Variants in VAC14 observed in about 807,000 individuals in gnomAD.
VAC14 encodes the protein VAC14 component of PIKFYVE complex.
In VAC14, 47 loss-of-function variants were observed where a neutral mutation model predicts 85.3. The ratio of observed to expected loss-of-function variants is 0.55; its 90% confidence interval spans 0.44 to 0.70. The LOEUF (loss-of-function observed/expected upper bound fraction) is 0.70. VAC14 is among the 30% of genes least tolerant of loss of function. VAC14 has a pLI of 0.00. For synonymous variants in VAC14, 447 were observed against 430.5 expected, an observed-to-expected ratio of 1.04 and a Z score of -0.47; for missense variants, 861 against 1,004.3, an observed-to-expected ratio of 0.86 and a Z score of 1.93.
At chr16:70,772,873 A>G (rs1405374917) in intron 9 of VAC14, 2 of 152,264 alleles carry the variant, frequency 1.3e-5, no homozygotes, top group African/African-American at 4.8e-5. Flanking sequence ...TGGTATAGCC[A>G]TACAATGGAC....
intron 13 of VAC14, among the ~76,000 whole-genome samples, chr16:70,737,990 C>G (rs975104824): frequency 2.0e-5 from 3 of 152,162 alleles, no homozygotes; most frequent in Non-Finnish European, 4.4e-5. Context: ...CTGGAGGATA[C>G]AAGGGAAGGG....
At chr16:70,690,183 T>G (rs938908757) in intron 18 of VAC14, 2 of 985,094 alleles carry the variant, frequency 2.0e-6, no homozygotes, top group African/African-American at 3.5e-5. Context: ...GCCCTTAGGG[T>G]GGCAAGAAGT....
chr16:70,693,241 C>T (rs1384011355), intron 17 of VAC14, among the ~76,000 whole-genome samples: 1 of 152,220 alleles, frequency 6.6e-6, no homozygotes, highest in Admixed American at 6.5e-5. Context: ...TGCCCACCTG[C>T]CTGTCTGATC....
chr16:70,691,927 G>A lies in VAC14; in HGVS notation c.2186+894C>T, dbSNP rs1040849566. On this transcript the variant is annotated intron_variant, in intron 18 of 18. Transcript: ENST00000261776. ...GGCCCTTTGCTGGAGCAAGGCGCCA[G>A]GCCTGCTGAGTGGCTCTAACAGCCT... is the stretch of plus-strand genomic sequence containing the variant. 5 of 985,384 alleles carry A rather than the reference G, an allele frequency of 5.1e-6. No homozygotes were observed. In the Admixed American group the frequency reaches 1.8e-4, roughly 36 times the overall value. The allele number at this position is 985,384 out of a possible 1,614,324, so 61.0% of individuals were successfully genotyped here. A position where few individuals can be genotyped will look rare whatever the true frequency, so the allele number is the denominator to read the frequency against.
intron 18 of VAC14, chr16:70,690,756 G>A: frequency 2.0e-6 from 2 of 985,450 alleles, no homozygotes; most frequent in Non-Finnish European, 2.4e-6. Context: ...CCGTCCTCTG[G>A]GCCCCACCCT....
At chr16:70,743,352 A>G (rs963378102) in intron 13 of VAC14, among the ~76,000 whole-genome samples, 3 of 152,222 alleles carry the variant, frequency 2.0e-5, no homozygotes, top group Non-Finnish European at 4.4e-5. Context: ...AAAAAAGGGA[A>G]TAAAAGCTGG....
chr16:70,764,789 C>A (rs2032676658), intron 10 of VAC14, among the ~76,000 whole-genome samples: 1 of 152,198 alleles, frequency 6.6e-6, no homozygotes, highest in South Asian at 2.1e-4. Context: ...AGCCAACAGG[C>A]ACTCAGTAGC....
At chr16:70,702,689 A>G (rs1378826654) in intron 14 of VAC14, among the ~76,000 whole-genome samples, 1 of 152,252 alleles carries the variant, frequency 6.6e-6, no homozygotes, top group Non-Finnish European at 1.5e-5. Context: ...AGTGTTGGCC[A>G]GCTCACGGGG....
chr16:70,783,012 G>A (rs755734518), intron 7 of VAC14, 21 bp downstream of exon 7: 3 of 1,608,278 alleles, frequency 1.9e-6, no homozygotes, highest in Admixed American at 1.7e-5. Context: ...CCGTGGCTGT[G>A]GGCCCTCCCC....
At chr16:70,744,972 A>C (rs2143012609) in intron 12 of VAC14, 1 of 180,952 alleles carries the variant, frequency 5.5e-6, no homozygotes, top group East Asian at 1.6e-4. Flanking sequence ...CAAGGCTCCC[A>C]AAGTGCCCTC....
intron 13 of VAC14, among the ~76,000 whole-genome samples, chr16:70,734,798 A>AC (rs1046901012): frequency 5.4e-5 from 8 of 148,038 alleles, no homozygotes; most frequent in African/African-American, 1.6e-4. Context: ...AAAGAAACAA[A>AC]AAAAAAAAAC....
At chr16:70,791,766 G>A (rs1280440133) in intron 1 of VAC14, among the ~76,000 whole-genome samples, 1 of 152,218 alleles carries the variant, frequency 6.6e-6, no homozygotes, top group Non-Finnish European at 1.5e-5. Context: ...TCCGAGTTCA[G>A]AACTTTGAGT....
At chr16:70,727,550 G>T (rs1039632538) in intron 14 of VAC14, among the ~76,000 whole-genome samples, 1 of 152,146 alleles carries the variant, frequency 6.6e-6, no homozygotes, top group African/African-American at 2.4e-5. Context: ...ATGTTGGCCA[G>T]GCTGGTCTTG....
chr16:70,746,597 G>A (rs972343930), intron 12 of VAC14, among the ~76,000 whole-genome samples: 1 of 152,222 alleles, frequency 6.6e-6, no homozygotes, highest in East Asian at 1.9e-4. Flanking sequence ...GGGGAGCCCT[G>A]GGTGGGTCTC....
chr16:70,705,865 T>A (rs2053911216), intron 14 of VAC14, among the ~76,000 whole-genome samples: 1 of 152,240 alleles, frequency 6.6e-6, no homozygotes, highest in African/African-American at 2.4e-5. Flanking sequence ...TCCTTCCCAG[T>A]GGAGCCTTGT....
intron 12 of VAC14, among the ~76,000 whole-genome samples, chr16:70,761,834 C>T (rs886167676): frequency 2.0e-5 from 3 of 152,216 alleles, no homozygotes; most frequent in Non-Finnish European, 2.9e-5. Context: ...GTAACACAAC[C>T]AACGCTAACT....
In VAC14 at chr16:70,784,230, A is replaced by G. The variant is rs751792817; in HGVS notation, c.487-10T>C. 1.9e-6 allele frequency: 3 copies of G among 1,612,590 alleles called. No individual in the cohort carries two copies. The highest frequency in any genetic ancestry group is 2.5e-6 in the Non-Finnish European group (3 of 1,178,802). On this transcript the variant is annotated splice_polypyrimidine_tract_variant and intron_variant, in intron 4 of 18. Transcript: ENST00000261776. ...TCTCAGTCACAATGTCCTGTGGATC[A>G]GAGGAAAGTGAGCTGCCGAGAGCCC...
intron 10 of VAC14, 133 bp downstream of exon 10, chr16:70,771,976 G>T: frequency 2.7e-6 from 2 of 747,908 alleles, no homozygotes; most frequent in Non-Finnish European, 2.2e-6. Context: ...TAACTCTTTT[G>T]TGTACGAGGG....
At position 70,691,999 on chromosome 16, in the gene VAC14, G is replaced by A. The variant is rs992532403; in HGVS notation, c.2186+822C>T. ...AGGGCATCTGATGCAAGCTGGGCGCGCTCCATTCAGCGTAAATCTTCTCAG... is the reference window on the plus strand; with the variant it reads ...AGGGCATCTGATGCAAGCTGGGCGCACTCCATTCAGCGTAAATCTTCTCAG... On this transcript the variant is annotated intron_variant, in intron 18 of 18. Transcript: ENST00000261776. The A allele has an allele frequency of 5.1e-6, 5 of 984,782 alleles. No individual in the cohort carries two copies. In the African/African-American group the frequency reaches 7.0e-5, roughly 14 times the overall value. 61.0% of individuals were successfully genotyped at this position (984,782 alleles called of 1,614,324 possible). A position where few individuals can be genotyped will look rare whatever the true frequency, so the allele number is the denominator to read the frequency against.
Sources: gnomAD v4.1 joint callset for allele counts (sites outside exome capture counted in the v4.1 genomes callset) on GRCh38, gnomAD v4.1.1 for gene constraint, MANE v1.5 for transcripts, NCBI Gene and HGNC (gene_info 2026-07-23, HGNC 2026-07-21) for gene names.